The following MOK variants were observed in gnomAD, a reference collection of about 807,000 sequenced individuals.
MOK encodes the protein MAPK/MAK/MRK overlapping kinase.
Under a neutral mutation model 54.2 loss-of-function variants are expected in MOK, and 59 were observed. The ratio of observed to expected loss-of-function variants is 1.09; its 90% CI spans 0.88 to 1.35. The LOEUF is 1.35. Among genes scored for constraint, MOK ranks in the 40% most tolerant of loss-of-function variants. The probability of loss-of-function intolerance (pLI) is 0.00; values close to 1 mark genes in which losing one functional copy is unlikely to be tolerated. For synonymous variants in MOK, 210 were observed against 202.7 expected (o/e 1.04, Z -0.31); for missense variants, 517 against 526.2 (o/e 0.98, Z 0.17).
In MOK at chr14:102,235,652, A is replaced by G. The variant is rs964318385; in HGVS notation, c.591-1863T>C. On this transcript the variant is annotated intron_variant, in intron 7 of 11. Transcript: ENST00000361847. This position sits in a 1 kb window ranked among gnomAD's most constrained non-coding sequence, Gnocchi z 4.4. ...CTCAAAGGAATCTCCCAAAAGGCCAATGAAAACCCTGCCCAATTCCTTTCT... is the reference window on the plus strand; with the variant it reads ...CTCAAAGGAATCTCCCAAAAGGCCAGTGAAAACCCTGCCCAATTCCTTTCT... The G allele has an allele frequency of 6.6e-6, 1 of 152,252 alleles. No individual in the cohort carries two copies. Among genetic ancestry groups the G allele is most frequent in the East Asian group, 1.9e-4 (1 of 5,198 alleles). The allele number at this position is 152,252 out of a possible 1,614,324, so 9.4% of individuals were successfully genotyped here. A position where few individuals can be genotyped will look rare whatever the true frequency, so the allele number is the denominator to read the frequency against.
At chr14:102,279,877 G>T (rs530518533) in intron 2 of MOK, among the ~76,000 whole-genome samples, 2 of 151,896 alleles carry the variant, frequency 1.3e-5, no homozygotes, top group East Asian at 3.9e-4. Context: ...AAAGCCATCC[G>T]TTTCTATTTG....
intron 1 of MOK, among the ~76,000 whole-genome samples, chr14:102,302,678 G>A (rs1448388447): frequency 6.6e-6 from 1 of 151,844 alleles, no homozygotes; most frequent in African/African-American, 2.4e-5. Context: ...GCCTCCCAAA[G>A]TGTTGGCATT....
At chr14:102,284,492 C>T (rs2069808456) in intron 1 of MOK, among the ~76,000 whole-genome samples, 1 of 151,884 alleles carries the variant, frequency 6.6e-6, no homozygotes, top group Non-Finnish European at 1.5e-5. Context: ...TAAGTACAGG[C>T]AAGAATGGCT....
intron 2 of MOK, among the ~76,000 whole-genome samples, chr14:102,275,895 C>T (rs997460534): frequency 2.6e-4 from 40 of 152,116 alleles, no homozygotes; most frequent in African/African-American, 7.5e-4. Context: ...AGGCAAACAG[C>T]CTAATTTTTA....
chr14:102,218,794 C>T, the MOK span, among the ~76,000 whole-genome samples: 1 of 152,228 alleles, frequency 6.6e-6, no homozygotes, highest in Non-Finnish European at 1.5e-5. Context: ...CAGATTCTGC[C>T]TGGGGAGCTC....
At chr14:102,293,849 G>C (rs192391235) in intron 1 of MOK, among the ~76,000 whole-genome samples, 2 of 151,778 alleles carry the variant, frequency 1.3e-5, no homozygotes, top group Non-Finnish European at 2.9e-5. Flanking sequence ...CTCAATGTTC[G>C]CAATGAATAC....
intron 1 of MOK, among the ~76,000 whole-genome samples, chr14:102,289,270 G>A (rs1460142351): frequency 6.6e-6 from 1 of 151,900 alleles, no homozygotes; most frequent in Admixed American, 6.6e-5. Flanking sequence ...AACAGAGTTA[G>A]GAATAAGCAG....
chr14:102,253,255 G>A (rs1326089511), intron 4 of MOK, among the ~76,000 whole-genome samples: 2 of 152,216 alleles, frequency 1.3e-5, no homozygotes, highest in Non-Finnish European at 2.9e-5. Flanking sequence ...CATACAATGT[G>A]TAAGGATGAA....
chr14:102,217,856 C>CT, the MOK span, among the ~76,000 whole-genome samples: 1 of 152,232 alleles, frequency 6.6e-6, no homozygotes, highest in Non-Finnish European at 1.5e-5. Context: ...CGCACCGTCT[C>CT]TAAAAAGGTG....
At chr14:102,248,754 G>C (rs1288667981) in intron 7 of MOK, among the ~76,000 whole-genome samples, 1 of 147,914 alleles carries the variant, frequency 6.8e-6, no homozygotes, top group Non-Finnish European at 1.5e-5. Context: ...CTCCAGTCTG[G>C]GCGACAGAGC....
Position 102,231,876 on chromosome 14 carries a change from C to T in MOK, c.867-55G>A, listed in dbSNP as rs926909053. 1.7e-5 allele frequency: 24 copies of T among 1,445,006 alleles called. No homozygotes were observed. The highest frequency in any genetic ancestry group is 2.3e-5 in the South Asian group (2 of 85,314). 89.5% of individuals were successfully genotyped at this position (1,445,006 alleles called of 1,614,324 possible). A position where few individuals can be genotyped will look rare whatever the true frequency, so the allele number is the denominator to read the frequency against. On this transcript the variant is annotated intron_variant, in intron 9 of 11. Transcript: ENST00000361847. The surrounding 1 kb of genome is among the most constrained non-coding windows in gnomAD (Gnocchi z 4.4). ...CTCCACTGAGAGCCCGCAGAGCACA[C>T]GGCCTACTGGCTTCTTTGTCTCCAA...
chr14:102,240,380 T>C lies in MOK; in HGVS notation c.591-6591A>G, dbSNP rs760381327. ...CTTCGGGAGACCAGTCCCCTGTCCTTGCCCTCACTCCGTGAGGAGATCTAC... is the reference window on the plus strand; with the variant it reads ...CTTCGGGAGACCAGTCCCCTGTCCTCGCCCTCACTCCGTGAGGAGATCTAC... On this transcript the variant is annotated intron_variant, in intron 7 of 11. Transcript: ENST00000361847. The surrounding 1 kb of genome is among the most constrained non-coding windows in gnomAD (Gnocchi z 5.4). The C allele has an allele frequency of 7.6e-5, 12 of 156,978 alleles. No individual in the cohort carries two copies. The highest frequency in any genetic ancestry group is 9.7e-5 in the Non-Finnish European group (7 of 71,998). The allele number at this position is 156,978 out of a possible 1,614,324, so 9.7% of individuals were successfully genotyped here.
chr14:102,301,666 C>T (rs567479221), intron 1 of MOK, among the ~76,000 whole-genome samples: 2 of 152,128 alleles, frequency 1.3e-5, no homozygotes, highest in Admixed American at 1.3e-4. Flanking sequence ...ATTTTTAAAT[C>T]ATTTATTTAA....
At chr14:102,233,399 C>G in intron 8 of MOK, 1 of 364,706 alleles carries the variant, frequency 2.7e-6, no homozygotes. Context: ...CCAAAGGCTT[C>G]TAAGTCCTGT....
At position 102,236,227 on chromosome 14, in the gene MOK, G is replaced by C. The variant is rs1004975450; in HGVS notation, c.591-2438C>G. On this transcript the variant is annotated intron_variant, in intron 7 of 11. Transcript: ENST00000361847. The surrounding 1 kb of genome is among the most constrained non-coding windows in gnomAD (Gnocchi z 4.5). ...TCAGCCTAGCCGCTGAGGACTGACC[G>C]GGCCCAGGGCCCCCGGCCCCATCTG... is the stretch of plus-strand genomic sequence containing the variant. Among the ~76,000 whole-genome samples, 1 of 152,198 alleles carries C rather than the reference G, an allele frequency of 6.6e-6. No homozygotes were observed. Among genetic ancestry groups the C allele is most frequent in the Non-Finnish European group, 1.5e-5 (1 of 68,038 alleles).
Position 102,229,221 on chromosome 14 carries a change from A to G in MOK, c.*68T>C. Reference sequence around the variant, plus strand: ...CAGCCCTCCGTGGCGTCTCAGCAGCAGATCACCCAGGCCTGGCCCGGTCGG... The same window carrying G: ...CAGCCCTCCGTGGCGTCTCAGCAGCGGATCACCCAGGCCTGGCCCGGTCGG... On this transcript the variant is annotated 3_prime_UTR_variant, in exon 12 of 12. Transcript: ENST00000361847. The G allele has an allele frequency of 6.9e-7, 1 of 1,459,130 alleles. No individual in the cohort carries two copies. Among genetic ancestry groups the G allele is most frequent in the Admixed American group, 2.1e-5 (1 of 47,582 alleles). The allele number at this position is 1,459,130 out of a possible 1,614,324, so 90.4% of individuals were successfully genotyped here. A position where few individuals can be genotyped will look rare whatever the true frequency, so the allele number is the denominator to read the frequency against.
intron 3 of MOK, chr14:102,263,996 C>T (rs2067683060): frequency 5.8e-6 from 1 of 172,556 alleles, no homozygotes; most frequent in Admixed American, 6.3e-5. Flanking sequence ...TGGTCGATCA[C>T]TTCAGGTTAG....
intron 1 of MOK, among the ~76,000 whole-genome samples, chr14:102,296,561 A>T (rs1278579252): frequency 6.6e-6 from 1 of 152,220 alleles, no homozygotes; most frequent in African/African-American, 2.4e-5. Context: ...GATTTATCAC[A>T]AAGCCAGTAT....
rs1385279619 is a variant in MOK at position 102,236,225 on chromosome 14, C to T, written c.591-2436G>A. ...CCTCAGCCTAGCCGCTGAGGACTGA[C>T]CGGGCCCAGGGCCCCCGGCCCCATC... On this transcript the variant is annotated intron_variant, in intron 7 of 11. Transcript: ENST00000361847. This position sits in a 1 kb window ranked among gnomAD's most constrained non-coding sequence, Gnocchi z 4.5. 1.3e-5 allele frequency among the ~76,000 whole-genome samples: 2 copies of T among 152,256 alleles called. No individual in the cohort carries two copies. Among genetic ancestry groups the T allele is most frequent in the African/African-American group, 4.8e-5 (2 of 41,472 alleles).
Sources: gnomAD v4.1 joint callset for allele counts (sites outside exome capture counted in the v4.1 genomes callset) on GRCh38, gnomAD v4.1.1 for gene constraint, Gnocchi (gnomAD v3.1) non-coding constraint, MANE v1.5 for transcripts, NCBI Gene and HGNC (gene_info 2026-07-23, HGNC 2026-07-21) for gene names.